Variants in FBXW5 observed in about 807,000 individuals in gnomAD.
FBXW5 encodes the protein F-box/WD repeat-containing protein 5.
In FBXW5, 74 loss-of-function variants were observed where a neutral mutation model predicts 50.9. The observed-to-expected ratio is 1.45, with a 90% CI of 1.20 to 1.76. The LOEUF is 1.76. Among genes scored for constraint, FBXW5 ranks in the 40% most tolerant of loss-of-function variants. The pLI is 0.00. For missense variants in FBXW5, 1,073 were observed against 818.8 expected (o/e 1.31, Z -3.79); for synonymous variants, 523 against 362.2 (o/e 1.44, Z -5.04).
chr9:136,943,696 G>A (rs1850904646), intron 2 of FBXW5, among the ~76,000 whole-genome samples, 190 bp from the exon 3 acceptor site: 3 of 152,192 alleles, frequency 2.0e-5, no homozygotes, highest in Admixed American at 1.3e-4. Flanking sequence ...CCCCCCAAGT[G>A]ACCCAATGAA....
At position 136,943,996 on chromosome 9, in the gene FBXW5, CG is replaced by C; in HGVS notation, c.87del (p.Leu31TrpfsTer86). 3 of 1,591,780 alleles carry C rather than the reference CG, an allele frequency of 1.9e-6. No individual in the cohort carries two copies. The East Asian group carries it at 6.9e-5, about 37-fold the overall frequency. Reference protein sequence around the residue: ...LSLGPADVLAAGLVCRQWQAV... With the variant: ...LSLGPADVLAXGLVCRQWQAV... ...GCCTGCCATTGGCGGCACACCAGCC[CG>C]GCGGCCAGCACGTCGGCCGGGCCCA... On this transcript the variant is annotated frameshift_variant, in exon 2 of 9. Transcript: ENST00000325285. LOFTEE classifies it high-confidence loss of function.
chr9:136,941,345 C>T lies in FBXW5; in HGVS notation c.1363G>A (p.Glu455Lys). 1 of 1,611,558 alleles carries T rather than the reference C, an allele frequency of 6.2e-7. No homozygotes were observed. Among genetic ancestry groups the T allele is most frequent in the South Asian group, 1.1e-5 (1 of 91,090 alleles). ...TGCGCACGCAGAGCCCGCCTCACCT[C>T]CCGCATGGTCTTGAGGTCGAACACC... ...LLVFDLKTMR[E>K]VRRALRAHRA... Residue 455 changes from glutamate (E) to lysine (K), a missense_variant, in exon 8 of 9, where the codon GAG (glutamate) becomes AAG (lysine). By Grantham distance (56) the Glu-to-Lys change is moderately conservative (BLOSUM62 1). Transcript: ENST00000325285.
chr9:136,943,099 T>A lies in FBXW5; in HGVS notation c.352-156A>T, dbSNP rs576199707. On this transcript the variant is annotated intron_variant, in intron 3 of 8. Transcript: ENST00000325285. ...GCCACTGTCATCCACTCGGGGGGCA[T>A]TGGTATAGAGCGGAGGAGCCTGCCC... 2.4e-6 allele frequency: 3 copies of A among 1,255,890 alleles called. No homozygotes were observed. The South Asian group carries it at 3.8e-5, about 16-fold the overall frequency. 77.8% of individuals were successfully genotyped at this position (1,255,890 alleles called of 1,614,324 possible).
chr9:136,943,835 C>A, intron 2 of FBXW5, 56 bp downstream of exon 2: 1 of 1,525,474 alleles, frequency 6.6e-7, no homozygotes, highest in East Asian at 2.5e-5. Context: ...CCCCCAAGCG[C>A]AGGGGCCCGG....
chr9:136,941,780 G>A (rs1490579882), intron 6 of FBXW5, 96 bp from the exon 7 acceptor site: 4 of 1,418,930 alleles, frequency 2.8e-6, no homozygotes, highest in Admixed American at 2.2e-5. Context: ...GGGGCTGTGA[G>A]CACCACAGAG....
At position 136,942,099 on chromosome 9, in the gene FBXW5, C is replaced by T. The variant is rs776139286; in HGVS notation, c.1043G>A (p.Ser348Asn). Residue 348 changes from serine to asparagine, a missense_variant, in exon 6 of 9, where the codon AGC (serine) becomes AAC (asparagine). By Grantham distance (46) the Ser-to-Asn change is conservative. Transcript: ENST00000325285. ...PPERSATGAKSKYLIFTTGCL... is the reference protein window; with the variant it reads ...PPERSATGAKNKYLIFTTGCL... ...GCCAGTGGTGAAGATGAGGTACTTG[C>T]TCTTGGCGCCTGTGGCACTGCGCTC... The T allele has an allele frequency of 1.1e-5, 17 of 1,612,746 alleles. No individual in the cohort carries two copies. In the East Asian group the frequency reaches 2.2e-4, roughly 21 times the overall value.
rs1564437041 is a variant in FBXW5, at chr9:136,943,341, GTCCTCACCT to G, written c.350_351+7del. The G allele has an allele frequency of 5.0e-6, 8 of 1,604,780 alleles. No homozygotes were observed. Among genetic ancestry groups the G allele is most frequent in the Non-Finnish European group, 6.8e-6 (8 of 1,174,722 alleles). ...GGTGGGGTGTGCAGGACACCTGGCC[GTCCTCACCT>G]TCACAGTGCAGTCCTTGGAGCAGGA... On this transcript the variant is annotated splice_donor_variant and splice_donor_5th_base_variant and coding_sequence_variant and intron_variant, in exon 3 of 9. Transcript: ENST00000325285. LOFTEE classifies it high-confidence loss of function.
rs747657165 is a variant in FBXW5 at position 136,942,754 on chromosome 9, G to GC, written c.526+14dup. Reference sequence around the variant, plus strand: ...CGTGGGGCGGGGGCAGGGTCAACCCGCCGCCCGTGCTCACCTAGGCTGATG... The same window carrying GC: ...CGTGGGGCGGGGGCAGGGTCAACCCGCCCGCCCGTGCTCACCTAGGCTGATG... On this transcript the variant is annotated intron_variant, in intron 4 of 8. Transcript: ENST00000325285. 15 of 1,611,758 alleles carry GC rather than the reference G, an allele frequency of 9.3e-6. No homozygotes were observed. The highest frequency in any genetic ancestry group is 1.2e-5 in the Non-Finnish European group (14 of 1,179,648).
At chr9:136,943,020 C>G in intron 3 of FBXW5, 77 bp from the exon 4 acceptor site, 2 of 1,598,736 alleles carry the variant, frequency 1.3e-6, no homozygotes, top group South Asian at 2.2e-5. Context: ...AGCCATGAGG[C>G]CCCAGCTCTG....
intron 3 of FBXW5, 28 bp from the exon 4 acceptor site, chr9:136,942,971 C>A: frequency 6.2e-7 from 1 of 1,611,820 alleles, no homozygotes; most frequent in South Asian, 1.1e-5. Context: ...CTGTAGTGAT[C>A]GCCTGGCCAG....
At position 136,941,403 on chromosome 9, in the gene FBXW5, C is replaced by T. The variant is rs1314006239; in HGVS notation, c.1305G>A (p.Gln435=). The T allele has an allele frequency of 5.6e-6, 9 of 1,610,758 alleles. No homozygotes were observed. The highest frequency in any genetic ancestry group is 3.4e-6 in the Non-Finnish European group (4 of 1,179,886). Residue 435 remains glutamine (Q), a synonymous_variant, in exon 8 of 9, where the codon CAG becomes CAA. Coordinates refer to ENST00000325285, the MANE Select transcript of FBXW5 (RefSeq NM_018998.4). ...CAATCTCCTCCGCGATTGGTGGCGG[C>T]TGCATGGGGTCGGCCACCACCGCAC... ...PNGAVVADPM[Q]PPPIAEEIDL... is the part of the protein sequence containing the mutation.
Position 136,944,637 on chromosome 9 carries a change from C to T in FBXW5, c.-67G>A, listed in dbSNP as rs1850965745. ...CTGCGCCGCCCCCGCCCTGCGCGAC[C>T]CGGACCCGCTTCCGCTGCCGCAGCC... On this transcript the variant is annotated 5_prime_UTR_variant, in exon 1 of 9. Coordinates refer to ENST00000325285, the MANE Select transcript of FBXW5 (RefSeq NM_018998.4). The T allele has an allele frequency of 5.1e-6, 5 of 985,104 alleles. No homozygotes were observed. Among genetic ancestry groups the T allele is most frequent in the Non-Finnish European group, 4.8e-6 (4 of 829,564 alleles). 61.0% of individuals were successfully genotyped at this position (985,104 alleles called of 1,614,324 possible). A position where few individuals can be genotyped will look rare whatever the true frequency, so the allele number is the denominator to read the frequency against.
In FBXW5 at chr9:136,941,168, C is replaced by T; in HGVS notation, c.1461G>A (p.Gly487=). The T allele has an allele frequency of 6.2e-7, 1 of 1,601,716 alleles. No homozygotes were observed. The highest frequency in any genetic ancestry group is 8.5e-7 in the Non-Finnish European group (1 of 1,175,768). The change falls in exon 9 of 9, where the codon GGG becomes GGA. Residue 487 remains glycine (G), a synonymous_variant. Coordinates refer to ENST00000325285, the MANE Select transcript of FBXW5 (RefSeq NM_018998.4). ...AGATGTAGCCGTGCCGGTCCTCCGC[C>T]CCGCTGCAGAACAGCGCCTGGGTGA... ...LDVSRDFVAS[G]AEDRHGYIWD... is the part of the protein sequence containing the mutation.
At chr9:136,941,773 G>A in intron 6 of FBXW5, 89 bp from the exon 7 acceptor site, 3 of 1,425,320 alleles carry the variant, frequency 2.1e-6, no homozygotes, top group East Asian at 2.5e-5. Flanking sequence ...TGTCTCTGGG[G>A]CTGTGAGCAC....
At position 136,943,364 on chromosome 9, in the gene FBXW5, C is replaced by T. The variant is rs200112008; in HGVS notation, c.336G>A (p.Lys112=). The T allele has an allele frequency of 2.3e-5, 37 of 1,612,772 alleles. 1 individual carries two copies. In the East Asian group the frequency reaches 6.2e-4, roughly 27 times the overall value. Residue 112 remains lysine, a synonymous_variant, in exon 3 of 9, where the codon AAG becomes AAA. Coordinates refer to ENST00000325285, the MANE Select transcript of FBXW5 (RefSeq NM_018998.4). The part of the protein sequence containing the change: ...HSGYQFASCS[K]DCTVKIWSND... Reference sequence around the variant, plus strand: ...CCGTCCTCACCTTCACAGTGCAGTCCTTGGAGCAGGACGCGAACTGGTACC... The same window carrying T: ...CCGTCCTCACCTTCACAGTGCAGTCTTTGGAGCAGGACGCGAACTGGTACC...
intron 8 of FBXW5, 35 bp downstream of exon 8, chr9:136,941,216 C>T: frequency 6.3e-7 from 1 of 1,599,524 alleles, no homozygotes; most frequent in Middle Eastern, 1.7e-4. Flanking sequence ...CCCGCTGCTG[C>T]CCACACCCGC....
In FBXW5 at chr9:136,942,926, C is replaced by G. The variant is rs1041185700; in HGVS notation, c.369G>C (p.Leu123=). The stretch of plus-strand genomic sequence containing the variant: ...CCGCGCTGTGCAGCAGCGAGATGGT[C>G]AGGTCGTTGCTCCAGATCTGTTCGG... ...DCTVKIWSND[L]TISLLHSADM... The change falls in exon 4 of 9, where the codon CTG becomes CTC. Residue 123 remains leucine (L), a synonymous_variant. Transcript: ENST00000325285. 1.9e-6 allele frequency: 3 copies of G among 1,613,214 alleles called. No individual in the cohort carries two copies. Among genetic ancestry groups the G allele is most frequent in the Admixed American group, 3.3e-5 (2 of 60,006 alleles).
chr9:136,941,870 G>T, intron 6 of FBXW5, 176 bp downstream of exon 6: 1 of 1,435,850 alleles, frequency 7.0e-7, no homozygotes, highest in Non-Finnish European at 9.1e-7. Context: ...GGCCCTGCCT[G>T]CGTTTGTTTT....
chr9:136,943,239 G>T, intron 3 of FBXW5, 110 bp downstream of exon 3: 1 of 1,279,832 alleles, frequency 7.8e-7, no homozygotes. Context: ...GTCACCTCTG[G>T]CCTGACCCAC....
Sources: allele counts gnomAD v4.1 joint callset (sites outside exome capture counted in the v4.1 genomes callset), GRCh38; gene constraint gnomAD v4.1.1; transcripts MANE v1.5; gene names NCBI Gene and HGNC (gene_info 2026-07-23, HGNC 2026-07-21).